Variants in CA10 observed in about 807,000 individuals in gnomAD.
CA10 encodes the protein carbonic anhydrase-related protein 10.
In CA10, 14 loss-of-function variants were observed where a neutral mutation model predicts 44.2. That is an observed-to-expected ratio of 0.32 (90% CI 0.21 to 0.50). The LOEUF (loss-of-function observed/expected upper bound fraction) is 0.50. Among genes scored for constraint, CA10 ranks in the 20% least tolerant of loss-of-function variants. CA10 has a pLI of 0.99. For missense variants in CA10, 350 were observed against 409.7 expected (o/e 0.85, Z 1.26); for synonymous variants, 159 against 141.6 (o/e 1.12, Z -0.87).
At chr17:52,090,480 G>A (rs7216649) in intron 1 of CA10, among the ~76,000 whole-genome samples, 135,960 of 152,120 alleles carry the variant, frequency 0.89, 60,787 homozygotes, top group Middle Eastern at 0.93. Flanking sequence ...AAGATATAAC[G>A]GTGTAAATAT....
At chr17:51,729,370 T>C (rs564202879) in intron 4 of CA10, among the ~76,000 whole-genome samples, 1 of 151,588 alleles carries the variant, frequency 6.6e-6, no homozygotes, top group African/African-American at 2.4e-5. Context: ...CACACACACA[T>C]GCACACACAC....
At chr17:52,072,519 G>C in intron 1 of CA10, 126 bp from the exon 2 acceptor site, 1 of 548,996 alleles carries the variant, frequency 1.8e-6, no homozygotes, top group Non-Finnish European at 3.1e-6. Flanking sequence ...TACTACAACA[G>C]AACCTTCCTT....
At chr17:51,870,632 G>A (rs1275194888) in intron 3 of CA10, among the ~76,000 whole-genome samples, 1 of 152,204 alleles carries the variant, frequency 6.6e-6, no homozygotes, top group Non-Finnish European at 1.5e-5. Flanking sequence ...TTATATATGA[G>A]CACTTATTGA....
intron 2 of CA10, among the ~76,000 whole-genome samples, chr17:52,008,128 C>T (rs1418711286): frequency 6.6e-6 from 1 of 151,586 alleles, no homozygotes; most frequent in African/African-American, 2.4e-5. Context: ...TTTCAAAGGG[C>T]CAGTTTTACT....
intron 3 of CA10, among the ~76,000 whole-genome samples, chr17:51,821,095 T>C (rs1230929358): frequency 5.4e-4 from 54 of 100,244 alleles, no homozygotes; most frequent in South Asian, 1.6e-3. Context: ...CTCCCTCCCT[T>C]CCTTCCTTCC....
At chr17:51,717,308 C>G (rs1336160273) in intron 4 of CA10, among the ~76,000 whole-genome samples, 1 of 151,952 alleles carries the variant, frequency 6.6e-6, no homozygotes, top group African/African-American at 2.4e-5. Context: ...TGAGATGACT[C>G]TTGGTGGGCA....
chr17:52,009,790 G>T lies in CA10; in HGVS notation c.136+62529C>A, dbSNP rs191551927. On this transcript the variant is annotated intron_variant, in intron 2 of 8. Transcript: ENST00000451037. ...ACTAAAAAGCTTCTGCACAGCAAAAGAAATAAATCAGCAGAGTTAATAGAC... is the reference window on the plus strand; with the variant it reads ...ACTAAAAAGCTTCTGCACAGCAAAATAAATAAATCAGCAGAGTTAATAGAC... 4.0e-3 allele frequency among the ~76,000 whole-genome samples: 609 copies of T among 152,052 alleles called. 1 individual carries two copies. Among genetic ancestry groups the T allele is most frequent in the Non-Finnish European group, 6.0e-3 (409 of 67,936 alleles).
intron 2 of CA10, among the ~76,000 whole-genome samples, chr17:52,064,677 C>G (rs572745963): frequency 3.9e-5 from 6 of 151,984 alleles, no homozygotes; most frequent in Non-Finnish European, 7.4e-5. Context: ...GATTTTAAAA[C>G]TACCCAAAAA....
chr17:51,770,151 G>C (rs1203395458), intron 3 of CA10, among the ~76,000 whole-genome samples: 2 of 150,028 alleles, frequency 1.3e-5, no homozygotes. Flanking sequence ...AGCTATTTGG[G>C]TGTGCCTGTC....
chr17:51,902,196 G>A (rs957174357), intron 3 of CA10, among the ~76,000 whole-genome samples: 1 of 152,110 alleles, frequency 6.6e-6, no homozygotes, highest in Non-Finnish European at 1.5e-5. Context: ...ATCTTTTGGG[G>A]CCTCGAGAAA....
At chr17:52,000,732 C>T (rs1468264416) in intron 2 of CA10, among the ~76,000 whole-genome samples, 1 of 151,974 alleles carries the variant, frequency 6.6e-6, no homozygotes, top group Non-Finnish European at 1.5e-5. Flanking sequence ...ATTGCCTATG[C>T]ATATCAGTTC....
Position 52,046,308 on chromosome 17 carries a change from TA to T in CA10, c.136+26010del, listed in dbSNP as rs35690751. Among the ~76,000 whole-genome samples the T allele has an allele frequency of 2.1e-3, 305 of 145,580 alleles. 5 individuals carry two copies. The South Asian group carries it at 0.024, about 11-fold the overall frequency. ...ATTGACAAAATTGGTAAGCTTCTAGTAAAAAAAAAAAGAATTTAATAGGAAA... is the reference window on the plus strand; with the variant it reads ...ATTGACAAAATTGGTAAGCTTCTAGTAAAAAAAAAAGAATTTAATAGGAAA... On this transcript the variant is annotated intron_variant, in intron 2 of 8. Coordinates refer to ENST00000451037, the MANE Select transcript of CA10 (RefSeq NM_020178.5).
intron 6 of CA10, among the ~76,000 whole-genome samples, chr17:51,641,209 T>C (rs1913074283): frequency 6.6e-6 from 1 of 151,704 alleles, no homozygotes; most frequent in Non-Finnish European, 1.5e-5. Context: ...TTACCTGTCA[T>C]ATGAGAAAAT....
chr17:51,874,325 A>G (rs1467821702), intron 3 of CA10, among the ~76,000 whole-genome samples: 1 of 151,870 alleles, frequency 6.6e-6, no homozygotes, highest in Non-Finnish European at 1.5e-5. Flanking sequence ...TCCAACCCCT[A>G]ATATCATCTT....
At chr17:51,704,134 C>T (rs972320988) in intron 4 of CA10, among the ~76,000 whole-genome samples, 3 of 152,180 alleles carry the variant, frequency 2.0e-5, no homozygotes, top group Non-Finnish European at 1.5e-5. Context: ...TCTATCCGTC[C>T]ATCCATTCAT....
intron 2 of CA10, among the ~76,000 whole-genome samples, chr17:52,052,877 C>T (rs1232429491): frequency 6.6e-6 from 1 of 151,852 alleles, no homozygotes; most frequent in East Asian, 1.9e-4. Flanking sequence ...CATATTGAAA[C>T]CGTGTAAAGG....
At chr17:52,070,835 C>A (rs539369249) in intron 2 of CA10, among the ~76,000 whole-genome samples, 2 of 152,216 alleles carry the variant, frequency 1.3e-5, no homozygotes, top group African/African-American at 4.8e-5. Flanking sequence ...TTGCAGTGAC[C>A]ACCCAGTTCT....
At chr17:52,100,069 G>C (rs530744777) in intron 1 of CA10, among the ~76,000 whole-genome samples, 2 of 152,324 alleles carry the variant, frequency 1.3e-5, no homozygotes, top group South Asian at 4.1e-4. Flanking sequence ...TGTGAACGGA[G>C]TGAAGAGAGT....
Position 52,116,386 on chromosome 17 carries a change from C to A in CA10, c.61+41340G>T, listed in dbSNP as rs114639717. 4.9e-3 allele frequency among the ~76,000 whole-genome samples: 739 copies of A among 152,198 alleles called. 5 individuals are homozygous for A. Among genetic ancestry groups the A allele is most frequent in the African/African-American group, 0.017 (710 of 41,504 alleles). On this transcript the variant is annotated intron_variant, in intron 1 of 8. Coordinates refer to ENST00000451037, the MANE Select transcript of CA10 (RefSeq NM_020178.5). ...AAGGAGTCCATGAAACCCCATGAGA[C>A]ACATTTTTGCCCCAAACTCCATTCC...
Sources: allele counts gnomAD v4.1 joint callset (sites outside exome capture counted in the v4.1 genomes callset), GRCh38; gene constraint gnomAD v4.1.1; transcripts MANE v1.5; gene names NCBI Gene and HGNC (gene_info 2026-07-23, HGNC 2026-07-21).